Variants in TSGA10IP observed in about 807,000 individuals in gnomAD.
The protein encoded by TSGA10IP is testis-specific protein 10-interacting protein.
TSGA10IP carries 64 observed loss-of-function variants against 63.2 expected under a neutral mutation model. The observed-to-expected ratio is 1.01, with a 90% CI of 0.83 to 1.25. The LOEUF (loss-of-function observed/expected upper bound fraction) is 1.25. TSGA10IP is among the 50% of genes most tolerant of loss of function. TSGA10IP has a pLI of 0.00. For missense variants in TSGA10IP, 681 were observed against 710.1 expected (o/e 0.96, Z 0.47); for synonymous variants, 316 against 298.3 (o/e 1.06, Z -0.61).
rs1012313647 is a variant in TSGA10IP, at chr11:65,959,082, C to G, written c.1422+100C>G. 14 of 1,561,166 alleles carry G rather than the reference C, an allele frequency of 9.0e-6. No individual in the cohort carries two copies. The Admixed American group carries it at 1.3e-4, about 14-fold the overall frequency. ...CGAGTAGGTCCCTGCAGATAGGATC[C>G]CAGGGCTGCTGCCCTCTGGAATCCC... On this transcript the variant is annotated intron_variant, in intron 6 of 7. Coordinates refer to ENST00000532620, the Ensembl canonical transcript of TSGA10IP.
chr11:65,958,690 C>T (rs144479061), intron 5 of TSGA10IP, among the ~76,000 whole-genome samples, 193 bp from the exon 6 acceptor site: 38 of 152,320 alleles, frequency 2.5e-4, no homozygotes, highest in African/African-American at 6.3e-4. Context: ...CCGATCCATC[C>T]GTAAATTGGG....
chr11:65,955,612 CAAA>C (rs112447996), intron 5 of TSGA10IP, among the ~76,000 whole-genome samples: 2 of 122,428 alleles, frequency 1.6e-5, no homozygotes, highest in Admixed American at 1.7e-4. Flanking sequence ...GACTCCGTTT[CAAA>C]AAAAAAAAAA....
intron 4 of TSGA10IP, among the ~76,000 whole-genome samples, chr11:65,949,416 C>T (rs942708552): frequency 1.8e-4 from 14 of 77,974 alleles, no homozygotes; most frequent in South Asian, 1.4e-3. Context: ...TATAGCACCC[C>T]ACAATTTTTT....
Position 65,953,584 on chromosome 11 carries a change from G to GGGAGCGGCAGCGGCAGGA in TSGA10IP, c.1181_1198dup (p.Arg394_Gln399dup), listed in dbSNP as rs756511060. The GGGAGCGGCAGCGGCAGGA allele has an allele frequency of 1.1e-5, 18 of 1,590,776 alleles. No individual in the cohort carries two copies. In the Admixed American group the frequency reaches 1.2e-4, roughly 11 times the overall value. On this transcript the variant is annotated inframe_insertion, in exon 5 of 8. Coordinates refer to ENST00000532620, the Ensembl canonical transcript of TSGA10IP. The stretch of plus-strand genomic sequence containing the variant: ...CACCCAAGGAGCCTGCTGCAGGCCT[G>GGGAGCGGCAGCGGCAGGA]GGAGCGGCAGCGGCAGGAGGAGCGG...
At position 65,959,184 on chromosome 11, in the gene TSGA10IP, C is replaced by T; in HGVS notation, c.1423-6C>T. On this transcript the variant is annotated splice_polypyrimidine_tract_variant and splice_region_variant and intron_variant, in intron 6 of 7. Transcript: ENST00000532620. ...CAGAGCAGGAAGCCGTCTTCTCTCT[C>T]CTCAGGCCAATGCCCGGCTCACCGT... 1 of 1,602,416 alleles carries T rather than the reference C, an allele frequency of 6.2e-7. No homozygotes were observed. The highest frequency in any genetic ancestry group is 1.3e-5 in the African/African-American group (1 of 74,826).
chr11:65,956,808 C>T (rs956278360), intron 5 of TSGA10IP, among the ~76,000 whole-genome samples: 1 of 152,140 alleles, frequency 6.6e-6, no homozygotes, highest in African/African-American at 2.4e-5. Context: ...GGATTACAGG[C>T]GTGAGCCACC....
intron 2 of TSGA10IP, 44 bp from the exon 3 acceptor site, chr11:65,947,066 T>G: frequency 4.3e-6 from 7 of 1,610,228 alleles, no homozygotes; most frequent in Non-Finnish European, 5.9e-6. Context: ...CAGGGCCCTC[T>G]GGGGGCTGGC....
intron 5 of TSGA10IP, among the ~76,000 whole-genome samples, chr11:65,956,507 G>C (rs533922969): frequency 1.6e-4 from 25 of 151,764 alleles, no homozygotes; most frequent in South Asian, 1.5e-3. Context: ...AGTGTGTTTT[G>C]GGGGACTGCT....
At chr11:65,947,049 T>TG (rs1483835489) in intron 2 of TSGA10IP, 33 bp downstream of exon 2, 1 of 1,612,474 alleles carries the variant, frequency 6.2e-7, no homozygotes, top group African/African-American at 1.3e-5. Flanking sequence ...AGGAGGCTGT[T>TG]GGGGGTCAGG....
intron 4 of TSGA10IP, among the ~76,000 whole-genome samples, chr11:65,948,990 C>T (rs773419245): frequency 5.3e-5 from 8 of 150,866 alleles, no homozygotes; most frequent in African/African-American, 1.2e-4. Context: ...AACAAACAAA[C>T]GAACAAAAAA....
chr11:65,954,585 C>A (rs180852993), intron 5 of TSGA10IP, among the ~76,000 whole-genome samples: 1 of 151,932 alleles, frequency 6.6e-6, no homozygotes, highest in African/African-American at 2.4e-5. Flanking sequence ...CTTCCCTTGG[C>A]CGCACAAAAG....
intron 3 of TSGA10IP, 52 bp downstream of exon 3, chr11:65,947,880 CAG>C (rs1854872088): frequency 1.3e-6 from 2 of 1,513,120 alleles, no homozygotes; most frequent in Non-Finnish European, 1.8e-6. Context: ...CCGCAGGGAA[CAG>C]GGAGCAGTCA....
At chr11:65,959,058 G>A (rs1043955459) in intron 6 of TSGA10IP, 76 bp downstream of exon 6, 19 of 1,575,366 alleles carry the variant, frequency 1.2e-5, no homozygotes, top group Admixed American at 1.8e-5. Context: ...AGCAGGATGC[G>A]AGTAGGTCCC....
At chr11:65,945,812 A>C (rs1429062657) in exon 1 of TSGA10IP, 1 of 1,613,844 alleles carries the variant, frequency 6.2e-7, no homozygotes, top group Non-Finnish European at 8.5e-7. Flanking sequence ...ACCGTCTCTC[A>C]GGACAAGCAG....
At chr11:65,954,332 A>AT (rs35473847) in intron 5 of TSGA10IP, among the ~76,000 whole-genome samples, 50,892 of 142,152 alleles carry the variant, frequency 0.36, 10,453 homozygotes, top group Admixed American at 0.52. Flanking sequence ...CGCCCGGCTA[A>AT]TTTTTTTTTT....
chr11:65,953,621 G>A, exon 5 of TSGA10IP: 1 of 1,586,762 alleles, frequency 6.3e-7, no homozygotes, highest in Non-Finnish European at 8.6e-7. Context: ...AGCAGGCCGA[G>A]CTGCGGCGGG....
intron 7 of TSGA10IP, 58 bp downstream of exon 7, chr11:65,959,372 C>T: frequency 6.3e-7 from 1 of 1,586,880 alleles, no homozygotes; most frequent in East Asian, 2.3e-5. Flanking sequence ...GGAAGGGGCG[C>T]CCACACCAGC....
At chr11:65,950,321 TC>T (rs1854923288) in intron 4 of TSGA10IP, among the ~76,000 whole-genome samples, 1 of 152,148 alleles carries the variant, frequency 6.6e-6, no homozygotes, top group African/African-American at 2.4e-5. Context: ...ACATCTCCCT[TC>T]TTCTCCCCAC....
intron 5 of TSGA10IP, among the ~76,000 whole-genome samples, chr11:65,958,198 G>A (rs1855057380): frequency 6.6e-6 from 1 of 152,132 alleles, no homozygotes; most frequent in African/African-American, 2.4e-5. Flanking sequence ...ACCCTCCTTG[G>A]CCTTCCAAAG....
Sources: gnomAD v4.1 joint callset for allele counts (sites outside exome capture counted in the v4.1 genomes callset) on GRCh38, gnomAD v4.1.1 for gene constraint, MANE v1.5 for transcripts, NCBI Gene and HGNC (gene_info 2026-07-23, HGNC 2026-07-21) for gene names.